Variants in LINGO1 observed in about 807,000 individuals in gnomAD.
LINGO1 encodes leucine rich repeat and Ig domain containing 1.
In LINGO1, 11 loss-of-function variants were observed where a neutral mutation model predicts 37.3. That is an observed-to-expected ratio of 0.29 (90% CI 0.19 to 0.49). LINGO1 has a LOEUF of 0.49. LINGO1 is among the 20% of genes least tolerant of loss of function. LINGO1 has a pLI of 0.99. For synonymous variants in LINGO1, 387 were observed against 403.0 expected, an observed-to-expected ratio of 0.96 and a Z score of 0.48; for missense variants, 585 against 878.2, an observed-to-expected ratio of 0.67 and a Z score of 4.22.
rs572131185 is a variant in LINGO1 at position 77,795,488 on chromosome 15, G to A, written c.-343+451C>T. ...GCCCTGAAGGTGTCTAGACCCTCAC[G>A]CTGTCTCTGGTGTGGAGCCCTGTTA... On this transcript the variant is annotated intron_variant, in intron 2 of 5. Transcript: ENST00000562933. Among the ~76,000 whole-genome samples the A allele has an allele frequency of 4.6e-5, 7 of 152,134 alleles. No individual in the cohort carries two copies. In the South Asian group the frequency reaches 6.2e-4, roughly 14 times the overall value.
At chr15:77,679,892 TCA>T (rs1484056368) in intron 2 of LINGO1, among the ~76,000 whole-genome samples, 1 of 151,864 alleles carries the variant, frequency 6.6e-6, no homozygotes, top group Non-Finnish European at 1.5e-5. Flanking sequence ...TAAACAGGAG[TCA>T]CAGCCGTGGC....
At chr15:77,694,163 G>A (rs756046251) in intron 1 of LINGO1, among the ~76,000 whole-genome samples, 3 of 152,104 alleles carry the variant, frequency 2.0e-5, no homozygotes, top group Non-Finnish European at 4.4e-5. Flanking sequence ...TAGATTGCAC[G>A]GACTGAAGCG....
Position 77,769,924 on chromosome 15 carries a change from G to A in LINGO1, c.-257+16945C>T, listed in dbSNP as rs112261276. Among the ~76,000 whole-genome samples the A allele has an allele frequency of 7.4e-3, 1,130 of 152,278 alleles. 2 individuals are homozygous for A. Among genetic ancestry groups the A allele is most frequent in the Non-Finnish European group, 9.9e-3 (675 of 68,018 alleles). The stretch of plus-strand genomic sequence containing the variant: ...TGCCCCATTTTCAGGTGAAGAAACC[G>A]AGACTCAGTGTGGTTTTGTGACTTG... On this transcript the variant is annotated intron_variant, in intron 1 of 3. Transcript: ENST00000561686.
chr15:77,681,180 AT>A (rs1330387539), intron 2 of LINGO1, among the ~76,000 whole-genome samples: 1 of 151,996 alleles, frequency 6.6e-6, no homozygotes, highest in African/African-American at 2.4e-5. Flanking sequence ...TTGGGAGTTA[AT>A]TTTGATGATG....
chr15:77,793,075 C>T (rs1002814381), intron 2 of LINGO1, among the ~76,000 whole-genome samples: 1 of 152,134 alleles, frequency 6.6e-6, no homozygotes, highest in Admixed American at 6.5e-5. Context: ...TCATAAGCCA[C>T]CCCCCAGTGA....
intron 1 of LINGO1, among the ~76,000 whole-genome samples, chr15:77,798,681 G>A (rs991221532): frequency 1.3e-5 from 2 of 152,334 alleles, no homozygotes; most frequent in Middle Eastern, 3.4e-3. Flanking sequence ...CCAGCTGCAG[G>A]CCTCACAGCC....
chr15:77,683,302 G>T (rs2075448585), intron 2 of LINGO1, among the ~76,000 whole-genome samples: 1 of 152,190 alleles, frequency 6.6e-6, no homozygotes, highest in African/African-American at 2.4e-5. Flanking sequence ...ACCTTGGGAA[G>T]AGCAAGGTTG....
chr15:77,808,833 CTT>C (rs1166797301), intron 1 of LINGO1, among the ~76,000 whole-genome samples: 1 of 152,228 alleles, frequency 6.6e-6, no homozygotes. Context: ...GTGCCCAACA[CTT>C]AACAGGGGTT....
chr15:77,750,423 C>G lies in LINGO1; in HGVS notation c.-256-15370G>C, dbSNP rs187562336. ...TTTTACACACACACAGCCGCCCACA[C>G]GCGTGCACACACGCACGCGCTCCAG... On this transcript the variant is annotated intron_variant, in intron 1 of 3. Coordinates refer to the LINGO1 transcript ENST00000561686. Among the ~76,000 whole-genome samples, 7 of 152,360 alleles carry G rather than the reference C, an allele frequency of 4.6e-5. No homozygotes were observed. The East Asian group carries it at 1.3e-3, about 29-fold the overall frequency.
At chr15:77,776,215 C>T (rs1217468775) in intron 1 of LINGO1, among the ~76,000 whole-genome samples, 1 of 149,038 alleles carries the variant, frequency 6.7e-6, no homozygotes, top group Non-Finnish European at 1.5e-5. Context: ...CAGATTCTAA[C>T]AGGGCCTGAA....
At chr15:77,755,964 T>C (rs2076414609) in intron 1 of LINGO1, among the ~76,000 whole-genome samples, 1 of 152,186 alleles carries the variant, frequency 6.6e-6, no homozygotes, top group Non-Finnish European at 1.5e-5. Context: ...TCATCCTGAC[T>C]CCTCGGTGGG....
intron 1 of LINGO1, among the ~76,000 whole-genome samples, chr15:77,693,679 A>G (rs955297311): frequency 1.5e-4 from 23 of 152,226 alleles, no homozygotes; most frequent in African/African-American, 2.4e-5. Flanking sequence ...CCAGTGTCAC[A>G]ATCGCCCAAG....
At chr15:77,646,164 T>C (rs1180944898) in intron 3 of LINGO1, among the ~76,000 whole-genome samples, 1 of 152,236 alleles carries the variant, frequency 6.6e-6, no homozygotes, top group Non-Finnish European at 1.5e-5. Context: ...CCCCACCTTC[T>C]AGGCCTAGTA....
rs377260390 is a variant in LINGO1, at chr15:77,614,522, C to T, written c.1385G>A (p.Arg462Gln). ...GCTCTTGGCTGAGACCAGGTGCTTTCGGGGTGAGAGCCAGAGGATGGCGGG... is the reference window on the plus strand; with the variant it reads ...GCTCTTGGCTGAGACCAGGTGCTTTTGGGGTGAGAGCCAGAGGATGGCGGG... Reference protein sequence around the residue: ...PPPAILWLSPRKHLVSAKSNG... With the variant: ...PPPAILWLSPQKHLVSAKSNG... The change falls in exon 2 of 2, where the codon CGA becomes CAA. Residue 462 changes from arginine (R) to glutamine (Q), a missense_variant. Around this residue, in one of 4 missense-constraint regions of LINGO1, gnomAD observed 484 missense variants for 735.0 expected, o/e 0.66. Transcript: ENST00000355300. 76 of 1,610,782 alleles carry T rather than the reference C, an allele frequency of 4.7e-5. No individual in the cohort carries two copies. In the Admixed American group the frequency reaches 8.2e-4, roughly 17 times the overall value.
intron 1 of LINGO1, chr15:77,696,165 G>T (rs550209814): frequency 6.6e-6 from 1 of 152,128 alleles, no homozygotes; most frequent in African/African-American, 2.4e-5. Flanking sequence ...GCAAACTGCC[G>T]GCCTCTCCAG....
intron 2 of LINGO1, among the ~76,000 whole-genome samples, chr15:77,708,439 C>A (rs2075879181): frequency 6.6e-6 from 1 of 152,126 alleles, no homozygotes; most frequent in Non-Finnish European, 1.5e-5. Context: ...AGTCTGGGCC[C>A]AGAAGGAAAA....
At position 77,632,367 on chromosome 15, in the gene LINGO1, C is replaced by G; in HGVS notation, c.-52G>C. 1 of 1,382,060 alleles carries G rather than the reference C, an allele frequency of 7.2e-7. No individual in the cohort carries two copies. Among genetic ancestry groups the G allele is most frequent in the South Asian group, 1.6e-5 (1 of 62,046 alleles). 85.6% of individuals were successfully genotyped at this position (1,382,060 alleles called of 1,614,324 possible). Reference sequence around the variant, plus strand: ...CTCGGTCACCAATCGCATGTCTCTCCAGCCGGCCCGACCAGGCCCCAGCCC... The same window carrying G: ...CTCGGTCACCAATCGCATGTCTCTCGAGCCGGCCCGACCAGGCCCCAGCCC... On this transcript the variant is annotated 5_prime_UTR_variant, in exon 1 of 2. Coordinates refer to ENST00000355300, the MANE Select transcript of LINGO1 (RefSeq NM_032808.7). This position sits in a 1 kb window ranked among gnomAD's most constrained non-coding sequence, Gnocchi z 6.0.
chr15:77,737,827 T>C (rs994022602), intron 1 of LINGO1, among the ~76,000 whole-genome samples: 1 of 151,930 alleles, frequency 6.6e-6, no homozygotes, highest in Non-Finnish European at 1.5e-5. Flanking sequence ...CTTACCTAAC[T>C]TCCCTCCAAG....
upstream of LINGO1, among the ~76,000 whole-genome samples, chr15:77,633,433 C>T (rs1223039418): frequency 6.6e-6 from 1 of 152,216 alleles, no homozygotes; most frequent in African/African-American, 2.4e-5. Context: ...GACCGGGAGC[C>T]CCCGTCCTGG....
Sources: allele counts gnomAD v4.1 joint callset (sites outside exome capture counted in the v4.1 genomes callset), GRCh38; gene constraint gnomAD v4.1.1; regional missense constraint gnomAD v4.1.1; non-coding constraint Gnocchi (gnomAD v3.1); transcripts MANE v1.5; gene names NCBI Gene and HGNC (gene_info 2026-07-23, HGNC 2026-07-21).